SCMH1: variants seen among roughly 807,000 people sequenced by gnomAD.
SCMH1 encodes polycomb protein SCMH1.
SCMH1 carries 37 observed loss-of-function variants against 70.8 expected under a neutral mutation model. The observed-to-expected ratio is 0.52, with a 90% confidence interval of 0.40 to 0.69. SCMH1 has a LOEUF of 0.69. Among genes scored for constraint, SCMH1 ranks in the 30% least tolerant of loss-of-function variants. SCMH1 has a pLI of 0.00. For synonymous variants in SCMH1, 292 were observed against 307.4 expected (o/e 0.95, Z 0.52); for missense variants, 607 against 827.3 (o/e 0.73, Z 3.27).
Position 41,113,236 on chromosome 1 carries a change from C to T in SCMH1, c.745+47G>A. 2.5e-6 allele frequency: 4 copies of T among 1,591,594 alleles called. No individual in the cohort carries two copies. The highest frequency in any genetic ancestry group is 2.6e-6 in the Non-Finnish European group (3 of 1,170,280). On this transcript the variant is annotated intron_variant, in intron 8 of 14. Transcript: ENST00000337495. The surrounding 1 kb of genome is among the most constrained non-coding windows in gnomAD (Gnocchi z 4.3). The stretch of plus-strand genomic sequence containing the variant: ...ATCATGACAGCCCTGGGTAGTCTCC[C>T]TTATCATCTGGGTCCTGATTTCAAG...
chr1:41,152,024 G>A (rs1645115576), intron 4 of SCMH1, among the ~76,000 whole-genome samples: 1 of 152,150 alleles, frequency 6.6e-6, no homozygotes. Context: ...GCAGAAAGTG[G>A]GTGGGGAGAT....
At chr1:41,077,032 A>G (rs1355186155) in intron 8 of SCMH1, among the ~76,000 whole-genome samples, 2 of 152,184 alleles carry the variant, frequency 1.3e-5, no homozygotes, top group Non-Finnish European at 2.9e-5. Context: ...CAGGTAGAAG[A>G]TAATACTTCC....
chr1:41,075,266 C>T, exon 9 of SCMH1: 1 of 1,614,104 alleles, frequency 6.2e-7, no homozygotes, highest in East Asian at 2.2e-5. Flanking sequence ...TTCAAAGGTT[C>T]AGCTGTCTTG....
intron 8 of SCMH1, among the ~76,000 whole-genome samples, chr1:41,109,568 A>G (rs749025412): frequency 6.6e-6 from 1 of 152,156 alleles, no homozygotes; most frequent in Non-Finnish European, 1.5e-5. Flanking sequence ...CTGAGGGTGT[A>G]AAGTGTGGGA....
chr1:41,165,909 T>G (rs1348408993), intron 2 of SCMH1, among the ~76,000 whole-genome samples: 1 of 152,138 alleles, frequency 6.6e-6, no homozygotes, highest in African/African-American at 2.4e-5. Flanking sequence ...CTATTTTTGC[T>G]TTTATTGCTT....
Position 41,143,130 on chromosome 1 carries a change from T to G in SCMH1, c.178-18A>C. The G allele has an allele frequency of 7.5e-6, 12 of 1,602,818 alleles. No homozygotes were observed. The highest frequency in any genetic ancestry group is 1.0e-5 in the Non-Finnish European group (12 of 1,169,898). ...GTGTAGGACTGGGAAAAACAAGGCATGAGGTATAGACAGATTAAGAGTAAA... is the reference window on the plus strand; with the variant it reads ...GTGTAGGACTGGGAAAAACAAGGCAGGAGGTATAGACAGATTAAGAGTAAA... On this transcript the variant is annotated intron_variant, in intron 5 of 14. Coordinates refer to ENST00000337495, the Ensembl canonical transcript of SCMH1.
intron 4 of SCMH1, among the ~76,000 whole-genome samples, chr1:41,153,835 G>A (rs1645282359): frequency 6.6e-6 from 1 of 152,194 alleles, no homozygotes; most frequent in African/African-American, 2.4e-5. Context: ...TAATGCCCAT[G>A]ATGAAGCCAG....
At chr1:41,035,698 A>C (rs575608024) in intron 13 of SCMH1, among the ~76,000 whole-genome samples, 1 of 152,044 alleles carries the variant, frequency 6.6e-6, no homozygotes, top group African/African-American at 2.4e-5. Context: ...CTTAATTGCT[A>C]CTTTTTGGAA....
chr1:41,148,573 T>TTCAATTTTGTGCTTGCTTATA (rs1644791090), intron 5 of SCMH1, among the ~76,000 whole-genome samples: 1 of 152,196 alleles, frequency 6.6e-6, no homozygotes, highest in Non-Finnish European at 1.5e-5. Flanking sequence ...CAAGGTGTTG[T>TTCAATTTTGTGCTTGCTTATA]TCAATTTTGT....
chr1:41,064,128 G>T (rs988150077), intron 10 of SCMH1, among the ~76,000 whole-genome samples: 1 of 152,076 alleles, frequency 6.6e-6, no homozygotes, highest in Admixed American at 6.5e-5. Context: ...ATATCAACAG[G>T]CTAAGTAAGA....
chr1:41,152,849 CTTTCCCACT>C, intron 4 of SCMH1: 1 of 1,146,756 alleles, frequency 8.7e-7, no homozygotes, highest in Non-Finnish European at 1.2e-6. Flanking sequence ...TAACTGGTTC[CTTTCCCACT>C]ACCCTTAACT....
chr1:41,138,107 T>C (rs1210765888), intron 6 of SCMH1, among the ~76,000 whole-genome samples: 1 of 152,226 alleles, frequency 6.6e-6, no homozygotes, highest in Non-Finnish European at 1.5e-5. Context: ...TAATATTCCC[T>C]GAGTTCTGCA....
chr1:41,177,868 A>C (rs1647422004), intron 2 of SCMH1, among the ~76,000 whole-genome samples: 1 of 152,194 alleles, frequency 6.6e-6, no homozygotes, highest in African/African-American at 2.4e-5. Flanking sequence ...CCAACATTCA[A>C]ATTCAGGAAA....
chr1:41,105,755 A>C (rs1667728851), intron 8 of SCMH1, among the ~76,000 whole-genome samples: 1 of 152,138 alleles, frequency 6.6e-6, no homozygotes, highest in Non-Finnish European at 1.5e-5. Flanking sequence ...GAATATTATA[A>C]CAGCTTGTTA....
intron 13 of SCMH1, among the ~76,000 whole-genome samples, chr1:41,031,307 A>C (rs1644480869): frequency 6.6e-6 from 1 of 151,876 alleles, no homozygotes; most frequent in African/African-American, 2.4e-5. Flanking sequence ...AACAATAAAC[A>C]AACAACCACC....
intron 1 of SCMH1, among the ~76,000 whole-genome samples, chr1:41,226,634 T>C (rs1010233478): frequency 3.9e-5 from 6 of 152,122 alleles, no homozygotes; most frequent in Non-Finnish European, 5.9e-5. Flanking sequence ...ATATGTTACA[T>C]TATTTACTGA....
intron 1 of SCMH1, among the ~76,000 whole-genome samples, chr1:41,197,904 T>C (rs1025227920): frequency 9.2e-5 from 14 of 152,182 alleles, no homozygotes; most frequent in African/African-American, 3.4e-4. Flanking sequence ...CTGTTCATCT[T>C]CTAATAAACA....
At chr1:41,063,567 A>G (rs1653544883) in intron 10 of SCMH1, among the ~76,000 whole-genome samples, 1 of 10,178 alleles carries the variant, frequency 9.8e-5, no homozygotes, top group Non-Finnish European at 1.5e-4. Flanking sequence ...CTAACTAAAC[A>G]AACAAACAAA....
At chr1:41,127,111 T>C (rs1052206218) in intron 6 of SCMH1, among the ~76,000 whole-genome samples, 2 of 152,194 alleles carry the variant, frequency 1.3e-5, no homozygotes, top group African/African-American at 2.4e-5. Flanking sequence ...TATTTTATTA[T>C]GAGTGGTGTG....
Sources: gnomAD v4.1 joint callset for allele counts (sites outside exome capture counted in the v4.1 genomes callset) on GRCh38, gnomAD v4.1.1 for gene constraint, Gnocchi (gnomAD v3.1) non-coding constraint, MANE v1.5 for transcripts, NCBI Gene and HGNC (gene_info 2026-07-23, HGNC 2026-07-21) for gene names.